The following HSD17B12 variants were observed in gnomAD, a reference collection of about 807,000 sequenced individuals.
HSD17B12 encodes very-long-chain 3-oxoacyl-CoA reductase.
Under a neutral mutation model 39.3 loss-of-function variants are expected in HSD17B12, and 32 were observed. The observed-to-expected ratio is 0.81, with a 90% confidence interval of 0.61 to 1.09. HSD17B12 has a LOEUF of 1.09. Among genes scored for constraint, HSD17B12 ranks in the 50% least tolerant of loss-of-function variants. The pLI is 0.00. For synonymous variants in HSD17B12, 150 were observed against 146.7 expected, an observed-to-expected ratio of 1.02 and a Z score of -0.16; for missense variants, 342 against 382.9, an observed-to-expected ratio of 0.89 and a Z score of 0.89.
At chr11:43,619,230 T>G in the HSD17B12 span, among the ~76,000 whole-genome samples, 1 of 18,922 alleles carries the variant, frequency 5.3e-5, no homozygotes, top group African/African-American at 1.6e-4. Flanking sequence ...ATATATATGA[T>G]ATATATATAT....
At chr11:43,578,349 T>C in the HSD17B12 span, among the ~76,000 whole-genome samples, 1 of 152,026 alleles carries the variant, frequency 6.6e-6, no homozygotes, top group Admixed American at 6.6e-5. Flanking sequence ...CGATACAGGG[T>C]AACAGGGGTG....
chr11:43,715,452 G>T (rs1210695203), intron 1 of HSD17B12, among the ~76,000 whole-genome samples: 1 of 152,168 alleles, frequency 6.6e-6, no homozygotes, highest in Non-Finnish European at 1.5e-5. Context: ...TGTCGAACCA[G>T]CCTTGCATCC....
At chr11:43,823,727 A>G (rs952572159) in intron 6 of HSD17B12, among the ~76,000 whole-genome samples, 3 of 152,122 alleles carry the variant, frequency 2.0e-5, no homozygotes, top group Admixed American at 1.3e-4. Context: ...TTTTATTCTA[A>G]GAAATAATAA....
the HSD17B12 span, among the ~76,000 whole-genome samples, chr11:43,565,244 G>A: frequency 6.6e-6 from 1 of 152,186 alleles, no homozygotes; most frequent in African/African-American, 2.4e-5. Context: ...CTTCGAGGAA[G>A]TGGCGCCTTC....
At chr11:43,826,090 T>C (rs150763925) in intron 6 of HSD17B12, among the ~76,000 whole-genome samples, 53,713 of 148,780 alleles carry the variant, frequency 0.36, 10,500 homozygotes, top group East Asian at 0.69. Context: ...TCTTTTTTTT[T>C]TTTTTTTTTT....
chr11:43,679,854 G>A (rs1949724074), upstream of HSD17B12, among the ~76,000 whole-genome samples: 1 of 152,098 alleles, frequency 6.6e-6, no homozygotes, highest in East Asian at 1.9e-4. Context: ...TGGCATTTAA[G>A]GGCTCTCTAT....
chr11:43,828,259 C>A (rs1432913180), intron 6 of HSD17B12, among the ~76,000 whole-genome samples: 1 of 149,376 alleles, frequency 6.7e-6, no homozygotes, highest in South Asian at 2.1e-4. Flanking sequence ...TCTCCTGCCT[C>A]AGCCTCCCAA....
At chr11:43,643,726 T>C in the HSD17B12 span, among the ~76,000 whole-genome samples, 1 of 152,230 alleles carries the variant, frequency 6.6e-6, no homozygotes, top group Non-Finnish European at 1.5e-5. Flanking sequence ...TCTTATAAAA[T>C]GGAGAGATGT....
At chr11:43,707,860 A>G (rs1326194420) in intron 1 of HSD17B12, among the ~76,000 whole-genome samples, 1 of 152,232 alleles carries the variant, frequency 6.6e-6, no homozygotes, top group Non-Finnish European at 1.5e-5. Flanking sequence ...GTGACAGAAT[A>G]CTATAGACTA....
the HSD17B12 span, among the ~76,000 whole-genome samples, chr11:43,625,839 T>G: frequency 6.6e-6 from 1 of 151,428 alleles, no homozygotes; most frequent in East Asian, 1.9e-4. Context: ...ACATGATTCT[T>G]TATTTTCTCT....
chr11:43,601,705 T>C, the HSD17B12 span, among the ~76,000 whole-genome samples: 2,512 of 152,334 alleles, frequency 0.016, 72 homozygotes, highest in African/African-American at 0.058. Context: ...GACATGATGC[T>C]GGCGTCTCCA....
chr11:43,760,560 T>C (rs1285398240), intron 3 of HSD17B12, among the ~76,000 whole-genome samples: 1 of 152,196 alleles, frequency 6.6e-6, no homozygotes, highest in Non-Finnish European at 1.5e-5. Context: ...TACTGGTCTA[T>C]AGTGAACAGA....
At position 43,718,945 on chromosome 11, in the gene HSD17B12, A is replaced by G. The variant is rs1950151480; in HGVS notation, c.161-31966A>G. On this transcript the variant is annotated intron_variant, in intron 1 of 10. Transcript: ENST00000278353. ...CCACTGAGTCTGCCATGAAGAAGAT[A>G]GAAGACAACAACACACTTGTGTTCA... 2.9e-6 allele frequency: 3 copies of G among 1,049,928 alleles called. No individual in the cohort carries two copies. The Admixed American group carries it at 5.1e-5, about 18-fold the overall frequency. 65.0% of individuals were successfully genotyped at this position (1,049,928 alleles called of 1,614,324 possible). A position where few individuals can be genotyped will look rare whatever the true frequency, so the allele number is the denominator to read the frequency against.
intron 3 of HSD17B12, among the ~76,000 whole-genome samples, chr11:43,796,285 G>T (rs897372892): frequency 1.1e-4 from 16 of 152,056 alleles, no homozygotes; most frequent in African/African-American, 3.9e-4. Context: ...CGGGAACGAT[G>T]GTGTGTGCCT....
At chr11:43,695,780 A>G (rs1949905783) in intron 1 of HSD17B12, among the ~76,000 whole-genome samples, 1 of 152,114 alleles carries the variant, frequency 6.6e-6, no homozygotes, top group South Asian at 2.1e-4. Context: ...CATCTGGATG[A>G]CCTTTGTAGT....
intron 1 of HSD17B12, among the ~76,000 whole-genome samples, chr11:43,703,710 T>TGGCATATA (rs1949988366): frequency 6.6e-6 from 1 of 152,208 alleles, no homozygotes; most frequent in Non-Finnish European, 1.5e-5. Flanking sequence ...GGCATATAGT[T>TGGCATATA]ACTCATAGTA....
chr11:43,557,016 A>T, the HSD17B12 span: 1 of 152,142 alleles, frequency 6.6e-6, no homozygotes, highest in African/African-American at 2.4e-5. Context: ...TTATGATGTC[A>T]GTTGGTGAAT....
chr11:43,608,945 T>G, the HSD17B12 span, among the ~76,000 whole-genome samples: 1 of 152,086 alleles, frequency 6.6e-6, no homozygotes, highest in South Asian at 2.1e-4. Context: ...ACCTCTTTTT[T>G]TGAGACAGGG....
intron 3 of HSD17B12, among the ~76,000 whole-genome samples, chr11:43,760,718 T>C (rs1245580858): frequency 2.0e-5 from 3 of 152,216 alleles, no homozygotes; most frequent in African/African-American, 7.2e-5. Flanking sequence ...GATGCCTTGT[T>C]ATATTTAGCT....
Sources: gnomAD v4.1 joint callset for allele counts (sites outside exome capture counted in the v4.1 genomes callset) on GRCh38, gnomAD v4.1.1 for gene constraint, MANE v1.5 for transcripts, NCBI Gene and HGNC (gene_info 2026-07-23, HGNC 2026-07-21) for gene names.